The following DNAH11 variants were observed in gnomAD, a reference collection of about 807,000 sequenced individuals.
DNAH11 encodes dynein axonemal heavy chain 11.
Under a neutral mutation model 526.0 loss-of-function variants are expected in DNAH11, and 442 were observed. The ratio of observed to expected loss-of-function variants is 0.84; its 90% CI spans 0.78 to 0.91. The LOEUF (loss-of-function observed/expected upper bound fraction) is 0.91, where lower values mean the gene tolerates loss of function less well. Ranked by LOEUF, DNAH11 falls within the 40% of genes least tolerant of loss-of-function variation. The pLI, the probability that DNAH11 is intolerant of heterozygous loss-of-function variation, is 0.00. For synonymous variants in DNAH11, 2,461 were observed against 1,935.9 expected, an observed-to-expected ratio of 1.27 and a Z score of -7.12; for missense variants, 6,989 against 5,448.7, an observed-to-expected ratio of 1.28 and a Z score of -8.90.
Position 21,873,500 on chromosome 7 carries a change from A to G in DNAH11, c.12194A>G (p.Gln4065Arg), listed in dbSNP as rs1448154187. 4 of 1,613,704 alleles carry G rather than the reference A, an allele frequency of 2.5e-6. No homozygotes were observed. The highest frequency in any genetic ancestry group is 2.7e-5 in the African/African-American group (2 of 74,928). Residue 4065 changes from glutamine (Q) to arginine (R), a missense_variant and splice_region_variant, in exon 74 of 82, where the codon CAG (glutamine) becomes CGG (arginine). By Grantham distance (43) the Gln-to-Arg change is conservative. Coordinates refer to ENST00000409508, the MANE Select transcript of DNAH11 (RefSeq NM_001277115.2). ...CATGCCGCCCTGTACAACTTTGATC[A>G]GGTAAGAAAGCGAAGCAGGCTAGGC... Reference protein sequence around the residue: ...NLHAALYNFDQDTLEICSKEQ... With the variant: ...NLHAALYNFDRDTLEICSKEQ...
In DNAH11 at chr7:21,687,541, A is replaced by G. The variant is rs1217864891; in HGVS notation, c.5924+14A>G. ...CAGGAAGAAGAGGTGAGTGGCATGC[A>G]GGCTATCTCTTGTTACAAATAGAAA... On this transcript the variant is annotated intron_variant, in intron 34 of 81. Coordinates refer to ENST00000409508, the MANE Select transcript of DNAH11 (RefSeq NM_001277115.2). 6.2e-7 allele frequency: 1 copy of G among 1,611,432 alleles called. No homozygotes were observed. Among genetic ancestry groups the G allele is most frequent in the Non-Finnish European group, 8.5e-7 (1 of 1,178,708 alleles).
intron 49 of DNAH11, 41 bp from the exon 50 acceptor site, chr7:21,744,397 G>A (rs527631202): frequency 6.3e-7 from 1 of 1,597,042 alleles, no homozygotes; most frequent in African/African-American, 1.4e-5. Flanking sequence ...CATGTCATCA[G>A]CCTCTGAATT....
chr7:21,595,422 G>T (rs757004068), intron 14 of DNAH11, among the ~76,000 whole-genome samples: 4 of 152,254 alleles, frequency 2.6e-5, no homozygotes, highest in Non-Finnish European at 5.9e-5. Flanking sequence ...GGTGGTAGCA[G>T]TGAAAGTGAT....
Position 21,801,257 on chromosome 7 carries a change from G to T in DNAH11, c.10147G>T (p.Val3383Phe), listed in dbSNP as rs540654085. ...AACCATCAAATTAGCTAACAGACTT[G>T]TCAAGGAACTTGAGGCAAGTTAAAC... ...NKTIKLANRLVKELEAKKIRW... is the reference protein window; with the variant it reads ...NKTIKLANRLFKELEAKKIRW... Residue 3383 changes from valine (V) to phenylalanine (F), a missense_variant, in exon 62 of 82, where the codon GTC becomes TTC. Coordinates refer to ENST00000409508, the MANE Select transcript of DNAH11 (RefSeq NM_001277115.2). 4 of 1,613,764 alleles carry T rather than the reference G, an allele frequency of 2.5e-6. No individual in the cohort carries two copies. The highest frequency in any genetic ancestry group is 3.4e-6 in the Non-Finnish European group (4 of 1,179,838).
chr7:21,901,711 A>G lies in DNAH11; in HGVS notation c.*457A>G, dbSNP rs1013995255. 1.3e-5 allele frequency: 2 copies of G among 156,338 alleles called. No individual in the cohort carries two copies. The highest frequency in any genetic ancestry group is 4.8e-5 in the African/African-American group (2 of 41,476). The allele number at this position is 156,338 out of a possible 1,614,324, so 9.7% of individuals were successfully genotyped here. A position where few individuals can be genotyped will look rare whatever the true frequency, so the allele number is the denominator to read the frequency against. ...AACTCTTTCAAAATATAAAAGCAGC[A>G]GGCCCCAGGTGAGTCCTGAAGGAAG... is the stretch of plus-strand genomic sequence containing the variant. On this transcript the variant is annotated 3_prime_UTR_variant, in exon 82 of 82. Coordinates refer to ENST00000409508, the MANE Select transcript of DNAH11 (RefSeq NM_001277115.2).
chr7:21,587,616 C>A (rs62441682), intron 9 of DNAH11, among the ~76,000 whole-genome samples: 3 of 151,924 alleles, frequency 2.0e-5, no homozygotes, highest in African/African-American at 7.3e-5. Context: ...GTCATGGTGA[C>A]TGGCACATCT....
chr7:21,822,957 C>CTTTTTTTTTTT (rs67284255), intron 65 of DNAH11, among the ~76,000 whole-genome samples: 2 of 60,568 alleles, frequency 3.3e-5, no homozygotes, highest in East Asian at 5.2e-4. Flanking sequence ...AGATTATTTG[C>CTTTTTTTTTTT]TTTTTTTTTT....
intron 65 of DNAH11, among the ~76,000 whole-genome samples, chr7:21,833,285 G>A (rs1220937921): frequency 6.6e-6 from 1 of 152,230 alleles, no homozygotes; most frequent in Non-Finnish European, 1.5e-5. Context: ...TTAAGCAAGT[G>A]AGGAAATATT....
At chr7:21,627,258 C>T (rs1254182966) in intron 25 of DNAH11, among the ~76,000 whole-genome samples, 1 of 152,106 alleles carries the variant, frequency 6.6e-6, no homozygotes, top group Non-Finnish European at 1.5e-5. Context: ...TATTGCTGTG[C>T]AGAAGCATTT....
rs1288573843 is a variant in DNAH11 at position 21,867,979 on chromosome 7, A to G, written c.11811A>G (p.Val3937=). The G allele has an allele frequency of 7.1e-6, 11 of 1,558,648 alleles. No homozygotes were observed. In the Admixed American group the frequency reaches 1.9e-4, roughly 27 times the overall value. ...TPIFFILSPG[V]DALKDLEILG... is the part of the protein sequence containing the mutation. ...TATTCTTCATCCTGTCTCCGGGGGT[A>G]GATGCCCTTAAAGACCTGGAGATTC... The change falls in exon 72 of 82, where the codon GTA becomes GTG. Residue 3937 remains valine (V), a synonymous_variant. Transcript: ENST00000409508.
chr7:21,579,173 C>T (rs1562675768), intron 8 of DNAH11, among the ~76,000 whole-genome samples: 1 of 152,132 alleles, frequency 6.6e-6, no homozygotes, highest in Admixed American at 6.5e-5. Flanking sequence ...TAATTACAAC[C>T]CTTCAATAGC....
rs749101090 is a variant in DNAH11, at chr7:21,745,086, T to A, written c.8510+23T>A. 3 of 1,585,662 alleles carry A rather than the reference T, an allele frequency of 1.9e-6. 1 individual carries two copies. The East Asian group carries it at 6.8e-5, about 36-fold the overall frequency. ...TGTGTGAGTTAACTAGTCACGATGC[T>A]TTTCCACAAAAGGAAGAATGGCTGG... On this transcript the variant is annotated intron_variant, in intron 51 of 81. Transcript: ENST00000409508.
At chr7:21,873,988 A>C (rs569231004) in intron 74 of DNAH11, among the ~76,000 whole-genome samples, 1 of 151,816 alleles carries the variant, frequency 6.6e-6, no homozygotes, top group African/African-American at 2.4e-5. Flanking sequence ...ATGGGGTTTC[A>C]CCATGTTGAC....
At chr7:21,838,698 A>C (rs544718863) in intron 65 of DNAH11, among the ~76,000 whole-genome samples, 1 of 150,096 alleles carries the variant, frequency 6.7e-6, no homozygotes, top group African/African-American at 2.4e-5. Context: ...ATGATATTTC[A>C]TTGTTTGGAT....
At chr7:21,661,979 C>T (rs1782259562) in intron 30 of DNAH11, among the ~76,000 whole-genome samples, 1 of 151,946 alleles carries the variant, frequency 6.6e-6, no homozygotes, top group African/African-American at 2.4e-5. Context: ...CCATTATGCC[C>T]AGCTAATTTT....
chr7:21,852,286 A>C (rs1036385985), intron 66 of DNAH11, among the ~76,000 whole-genome samples, 181 bp from the exon 67 acceptor site: 5 of 151,856 alleles, frequency 3.3e-5, no homozygotes, highest in African/African-American at 1.2e-4. Context: ...AGGCACCTGT[A>C]ATCTCAGCTA....
intron 63 of DNAH11, among the ~76,000 whole-genome samples, chr7:21,815,939 C>T (rs1442217448): frequency 6.6e-6 from 1 of 152,014 alleles, no homozygotes; most frequent in Admixed American, 6.6e-5. Flanking sequence ...CTAGAAGTGA[C>T]ATCCTAAGTT....
At chr7:21,666,750 A>C (rs1782434817) in intron 30 of DNAH11, among the ~76,000 whole-genome samples, 1 of 147,844 alleles carries the variant, frequency 6.8e-6, no homozygotes, top group Admixed American at 7.2e-5. Context: ...TATATTGGAC[A>C]CAAGTATTTT....
intron 81 of DNAH11, 27 bp from the exon 82 acceptor site, chr7:21,900,980 A>ATTGCAACCGCTGTGTT: frequency 6.5e-7 from 1 of 1,547,436 alleles, no homozygotes; most frequent in Non-Finnish European, 8.7e-7. Flanking sequence ...CTGCCACACA[A>ATTGCAACCGCTGTGTT]TTGCAACCGC....
Sources: allele counts gnomAD v4.1 joint callset (sites outside exome capture counted in the v4.1 genomes callset), GRCh38; gene constraint gnomAD v4.1.1; transcripts MANE v1.5; gene names NCBI Gene and HGNC (gene_info 2026-07-23, HGNC 2026-07-21).